Variants in EPB41L4A observed in about 807,000 individuals in gnomAD.
EPB41L4A encodes the protein band 4.1-like protein 4A.
EPB41L4A carries 100 observed loss-of-function variants against 108.6 expected under a neutral mutation model. The ratio of observed to expected loss-of-function variants is 0.92; its 90% CI spans 0.78 to 1.09. The LOEUF is 1.09. Ranked by LOEUF, EPB41L4A falls within the 50% of genes least tolerant of loss-of-function variation. EPB41L4A has a pLI of 0.00. For missense variants in EPB41L4A, 1,030 were observed against 842.7 expected, an observed-to-expected ratio of 1.22 and a Z score of -2.75; for synonymous variants, 319 against 289.0, an observed-to-expected ratio of 1.10 and a Z score of -1.05.
intron 1 of EPB41L4A, among the ~76,000 whole-genome samples, chr5:112,321,245 G>T (rs368464662): frequency 6.6e-6 from 1 of 152,160 alleles, no homozygotes; most frequent in African/African-American, 2.4e-5. Context: ...TTGGGGTTGG[G>T]GTAGAAGTGA....
upstream of EPB41L4A, chr5:112,419,912 A>C (rs1163177272): frequency 4.4e-6 from 2 of 456,412 alleles, no homozygotes; most frequent in African/African-American, 4.0e-5. Context: ...CAGGACATTC[A>C]GCAAAGCGGG....
At chr5:112,305,922 A>G (rs1754653078) in intron 2 of EPB41L4A, among the ~76,000 whole-genome samples, 1 of 152,162 alleles carries the variant, frequency 6.6e-6, no homozygotes, top group South Asian at 2.1e-4. Flanking sequence ...GAGGAAAAAA[A>G]TGTTCTTAAT....
At chr5:112,261,133 T>C (rs1447323286) in intron 7 of EPB41L4A, among the ~76,000 whole-genome samples, 1 of 152,224 alleles carries the variant, frequency 6.6e-6, no homozygotes, top group Non-Finnish European at 1.5e-5. Context: ...GTTTTAGCAG[T>C]ATTCTTAAAG....
At chr5:112,170,829 G>A in intron 19 of EPB41L4A, 116 bp downstream of exon 19, 1 of 858,446 alleles carries the variant, frequency 1.2e-6, no homozygotes, top group East Asian at 2.5e-5. Flanking sequence ...ACACACAGTG[G>A]CAATGGCTTT....
At chr5:112,301,572 C>G (rs112670156) in intron 2 of EPB41L4A, among the ~76,000 whole-genome samples, 3,416 of 152,230 alleles carry the variant, frequency 0.022, 116 homozygotes, top group African/African-American at 0.069. Flanking sequence ...CAGGAGCAAT[C>G]TGCTTCCTTC....
At chr5:112,303,559 T>C (rs372453758) in intron 2 of EPB41L4A, among the ~76,000 whole-genome samples, 42 of 152,062 alleles carry the variant, frequency 2.8e-4, no homozygotes, top group Middle Eastern at 3.4e-3. Flanking sequence ...CAGGAATAAC[T>C]AGAGAAAACA....
chr5:112,229,739 A>G (rs1273662410), intron 12 of EPB41L4A, among the ~76,000 whole-genome samples: 9 of 152,222 alleles, frequency 5.9e-5, no homozygotes, highest in Admixed American at 5.9e-4. Flanking sequence ...CTGTAATCCC[A>G]GCACTTTCGG....
chr5:112,240,789 A>G lies in EPB41L4A; in HGVS notation c.817T>C (p.Phe273Leu). 2 of 1,593,214 alleles carry G rather than the reference A, an allele frequency of 1.3e-6. No individual in the cohort carries two copies. Among genetic ancestry groups the G allele is most frequent in the Non-Finnish European group, 1.7e-6 (2 of 1,174,128 alleles). Residue 273 changes from phenylalanine to leucine, a missense_variant, in exon 10 of 23, where the codon TTT becomes CTT. Transcript: ENST00000261486. ...CAAGCAGTTTTACTCCGAGCTTCAA[A>G]AAAGAATGAGGTTTCGTTACACTAA... is the stretch of plus-strand genomic sequence containing the variant. The part of the protein sequence containing the change: ...GKDCNETSFF[F>L]EARSKTACKH...
chr5:112,255,298 A>T (rs1750999512), intron 9 of EPB41L4A, among the ~76,000 whole-genome samples: 1 of 151,834 alleles, frequency 6.6e-6, no homozygotes, highest in Admixed American at 6.6e-5. Context: ...TACCTCTCTT[A>T]TGGGTTTTTC....
intron 2 of EPB41L4A, among the ~76,000 whole-genome samples, chr5:112,301,561 G>A (rs1754364216): frequency 6.6e-6 from 1 of 152,136 alleles, no homozygotes; most frequent in South Asian, 2.1e-4. Context: ...CTGGGTTCCT[G>A]CAGGAGCAAT....
intron 20 of EPB41L4A, 107 bp from the exon 21 acceptor site, chr5:112,169,212 T>A: frequency 1.3e-6 from 1 of 794,106 alleles, no homozygotes. Flanking sequence ...TTCAGAGTTT[T>A]AAAAAGAACT....
chr5:112,316,168 A>G (rs966736958), intron 1 of EPB41L4A, among the ~76,000 whole-genome samples: 1 of 152,256 alleles, frequency 6.6e-6, no homozygotes, highest in Non-Finnish European at 1.5e-5. Context: ...ATTTCAAATG[A>G]GTAATAACAC....
chr5:112,186,663 C>A (rs1282538172), intron 17 of EPB41L4A, among the ~76,000 whole-genome samples: 1 of 152,190 alleles, frequency 6.6e-6, no homozygotes, highest in African/African-American at 2.4e-5. Flanking sequence ...AGAGTCACAA[C>A]AGAAGCACAT....
chr5:112,240,681 T>A, intron 10 of EPB41L4A, 38 bp downstream of exon 10: 1 of 1,145,888 alleles, frequency 8.7e-7, no homozygotes, highest in Non-Finnish European at 1.2e-6. Flanking sequence ...CCATTTTCAT[T>A]TATTAAGACA....
At position 112,164,931 on chromosome 5, in the gene EPB41L4A, TC is replaced by T; in HGVS notation, c.*58del. On this transcript the variant is annotated 3_prime_UTR_variant, in exon 23 of 23. Transcript: ENST00000261486. The stretch of plus-strand genomic sequence containing the variant: ...GAATTAAGATACCTATTTCACAGTT[TC>T]AAAAGTACCAGTGGCGCACACAACC... 6.7e-7 allele frequency: 1 copy of T among 1,485,550 alleles called. No individual in the cohort carries two copies. Among genetic ancestry groups the T allele is most frequent in the African/African-American group, 1.4e-5 (1 of 69,432 alleles). The allele number at this position is 1,485,550 out of a possible 1,614,324, so 92.0% of individuals were successfully genotyped here.
rs759473399 is a variant in EPB41L4A, at chr5:112,307,461, G to A, written c.129C>T (p.Asp43=). 2.5e-6 allele frequency: 4 copies of A among 1,613,002 alleles called. No individual in the cohort carries two copies. The highest frequency in any genetic ancestry group is 1.6e-4 in the Middle Eastern group (1 of 6,080). The change falls in exon 2 of 23, where the codon GAC becomes GAT. Residue 43 remains aspartate (D), a synonymous_variant. Coordinates refer to ENST00000261486, the MANE Select transcript of EPB41L4A (RefSeq NM_022140.5). The stretch of plus-strand genomic sequence containing the variant: ...CAAGGTTTACGTGATGGAATACGTG[G>A]TCAAGGACAACGGAACCTTTCGTTG... ...KKSTKGSVVL[D]HVFHHVNLVE...
intron 1 of EPB41L4A, among the ~76,000 whole-genome samples, chr5:112,322,351 T>A (rs762796983): frequency 1.2e-4 from 19 of 152,202 alleles, no homozygotes; most frequent in Non-Finnish European, 1.5e-5. Flanking sequence ...TGCTCTAACA[T>A]GCACTCATAT....
At chr5:112,196,057 G>C (rs1003073027) in intron 15 of EPB41L4A, among the ~76,000 whole-genome samples, 1 of 152,016 alleles carries the variant, frequency 6.6e-6, no homozygotes, top group Non-Finnish European at 1.5e-5. Flanking sequence ...ATACCCTGAG[G>C]CTCCAAATTC....
At position 112,298,808 on chromosome 5, in the gene EPB41L4A, C is replaced by T. The variant is rs549165674; in HGVS notation, c.204+8578G>A. Among the ~76,000 whole-genome samples, 84 of 152,228 alleles carry T rather than the reference C, an allele frequency of 5.5e-4. 1 individual carries two copies. Among genetic ancestry groups the T allele is most frequent in the Admixed American group, 2.2e-3 (34 of 15,286 alleles). ...TTTCTTGTTGGTAATTTTTTTATTACCATTTCAATCTCACTGCTTGTTAAT... is the reference window on the plus strand; with the variant it reads ...TTTCTTGTTGGTAATTTTTTTATTATCATTTCAATCTCACTGCTTGTTAAT... On this transcript the variant is annotated intron_variant, in intron 2 of 22. Coordinates refer to ENST00000261486, the MANE Select transcript of EPB41L4A (RefSeq NM_022140.5).
Sources: gnomAD v4.1 joint callset for allele counts (sites outside exome capture counted in the v4.1 genomes callset) on GRCh38, gnomAD v4.1.1 for gene constraint, MANE v1.5 for transcripts, NCBI Gene and HGNC (gene_info 2026-07-23, HGNC 2026-07-21) for gene names.